The following MATR3 variants were observed in gnomAD, a reference collection of about 807,000 sequenced individuals.
The protein encoded by MATR3 is matrin 3, also known as matrin-3.
In MATR3, 4 loss-of-function variants were observed where a neutral mutation model predicts 85.5. The observed-to-expected ratio is 0.05, with a 90% CI of 0.02 to 0.11. MATR3 has a LOEUF of 0.11. MATR3 is among the 10% of genes least tolerant of loss of function. The pLI is 1.00. For synonymous variants in MATR3, 336 were observed against 343.1 expected (o/e 0.98, Z 0.23); for missense variants, 685 against 1,016.1 (o/e 0.67, Z 4.43).
exon 3 of MATR3, chr5:139,279,066 T>A (rs1039696718): frequency 2.2e-6 from 1 of 464,134 alleles, no homozygotes; most frequent in African/African-American, 2.0e-5. Flanking sequence ...TTCACCTGAA[T>A]GACATCTACC....
Position 139,322,579 on chromosome 5 carries a change from T to G in MATR3, c.1779-19T>G, listed in dbSNP as rs373127952. ...TTTTCAGACAACAAATTAATTGTGG[T>G]GTGTCCTTTTGATTTCAGAAAAAGA... On this transcript the variant is annotated intron_variant, in intron 11 of 14. Transcript: ENST00000394805. 8 of 1,583,084 alleles carry G rather than the reference T, an allele frequency of 5.1e-6. No individual in the cohort carries two copies. In the Admixed American group the frequency reaches 1.4e-4, roughly 27 times the overall value.
intron 14 of MATR3, among the ~76,000 whole-genome samples, chr5:139,328,692 TC>T (rs1755979190): frequency 6.6e-6 from 1 of 152,148 alleles, no homozygotes; most frequent in African/African-American, 2.4e-5. Flanking sequence ...AAATGTTTGT[TC>T]AGGTGATTTA....
intron 1 of MATR3, among the ~76,000 whole-genome samples, chr5:139,297,219 G>A (rs950886663): frequency 2.0e-5 from 3 of 152,174 alleles, no homozygotes; most frequent in Admixed American, 2.0e-4. Context: ...ATTTGGGATG[G>A]ACAGTGCTAA....
intron 1 of MATR3, chr5:139,300,024 C>T (rs938464657): frequency 6.6e-6 from 1 of 152,068 alleles, no homozygotes; most frequent in East Asian, 1.9e-4. Flanking sequence ...AATTTTTCCA[C>T]TTTTACTAGA....
In MATR3 at chr5:139,331,402, A is replaced by G. The variant is rs941484955; in HGVS notation, c.*2007A>G. ...GTTTCCTTTCAGTGATGGCTTTTTC[A>G]TAGCTTCAACTTTGTTGGATTTAGC... On this transcript the variant is annotated 3_prime_UTR_variant, in exon 15 of 15. Coordinates refer to ENST00000394805, the MANE Select transcript of MATR3 (RefSeq NM_018834.6). 2.2e-5 allele frequency: 10 copies of G among 454,132 alleles called. No individual in the cohort carries two copies. Among genetic ancestry groups the G allele is most frequent in the African/African-American group, 1.2e-4 (6 of 50,134 alleles). The allele number at this position is 454,132 out of a possible 1,614,324, so 28.1% of individuals were successfully genotyped here. A position where few individuals can be genotyped will look rare whatever the true frequency, so the allele number is the denominator to read the frequency against.
At chr5:139,323,587 A>G (rs747900055) in intron 12 of MATR3, among the ~76,000 whole-genome samples, 31 of 152,222 alleles carry the variant, frequency 2.0e-4, no homozygotes, top group Non-Finnish European at 4.0e-4. Context: ...CCTTTGAGGC[A>G]AACTTTTTAT....
At chr5:139,286,176 G>T (rs1753696746) in intron 3 of MATR3, among the ~76,000 whole-genome samples, 1 of 152,056 alleles carries the variant, frequency 6.6e-6, no homozygotes, top group Non-Finnish European at 1.5e-5. Flanking sequence ...GCAGCTACTG[G>T]TTAAGTTTTC....
Position 139,319,322 on chromosome 5 carries a change from T to A in MATR3, c.1435-12T>A. 1 of 1,587,876 alleles carries A rather than the reference T, an allele frequency of 6.3e-7. No homozygotes were observed. Among genetic ancestry groups the A allele is most frequent in the Non-Finnish European group, 8.6e-7 (1 of 1,158,232 alleles). On this transcript the variant is annotated splice_polypyrimidine_tract_variant and intron_variant, in intron 8 of 14. Transcript: ENST00000394805. The stretch of plus-strand genomic sequence containing the variant: ...TGCACATTTGTCCTTTTGTTGTTGT[T>A]ATTTATTAAAGAAACCTGAAGGAAA...
chr5:139,302,292 A>G (rs1754486861), intron 1 of MATR3, among the ~76,000 whole-genome samples: 1 of 152,172 alleles, frequency 6.6e-6, no homozygotes, highest in Non-Finnish European at 1.5e-5. Flanking sequence ...CACTCAAGGT[A>G]CATGCCATAC....
intron 1 of MATR3, among the ~76,000 whole-genome samples, chr5:139,302,902 G>C (rs1283784161): frequency 6.6e-6 from 1 of 152,180 alleles, no homozygotes; most frequent in African/African-American, 2.4e-5. Flanking sequence ...AGAAACTGTA[G>C]TTTTCTAGCT....
upstream of MATR3, among the ~76,000 whole-genome samples, chr5:139,289,101 C>T (rs1041476976): frequency 2.0e-5 from 3 of 152,224 alleles, no homozygotes; most frequent in African/African-American, 7.2e-5. Flanking sequence ...AGGGAAGCCC[C>T]AGCCCTTGAT....
At chr5:139,316,456 G>A (rs927937621) in intron 5 of MATR3, among the ~76,000 whole-genome samples, 1 of 152,006 alleles carries the variant, frequency 6.6e-6, no homozygotes, top group Non-Finnish European at 1.5e-5. Flanking sequence ...GCGTTGGCCA[G>A]ACTAGTCTCG....
intron 1 of MATR3, among the ~76,000 whole-genome samples, chr5:139,301,841 G>A (rs1466594929): frequency 6.6e-6 from 1 of 152,084 alleles, no homozygotes; most frequent in East Asian, 1.9e-4. Flanking sequence ...TTTAAACCTA[G>A]GAAGAAGACA....
In MATR3 at chr5:139,331,573, T is replaced by A. The variant is rs762228111; in HGVS notation, c.*2178T>A. On this transcript the variant is annotated 3_prime_UTR_variant, in exon 15 of 15. Transcript: ENST00000394805. ...TTTTTAGTAGGAATGTTTCCACTCA[T>A]GTTTGCTGTAAAGTTTAAGAACATT... is the stretch of plus-strand genomic sequence containing the variant. The A allele has an allele frequency of 4.4e-6, 2 of 454,030 alleles. No homozygotes were observed. The highest frequency in any genetic ancestry group is 2.3e-5 in the Admixed American group (1 of 42,554). 28.1% of individuals were successfully genotyped at this position (454,030 alleles called of 1,614,324 possible).
Position 139,325,450 on chromosome 5 carries a change from T to C in MATR3, c.2159T>C (p.Ile720Thr). Reference sequence around the variant, plus strand: ...TTGGTTGAAATTAAGGTGGACAAGATCGAGGAACTTGATCAAGAAAACGAA... The same window carrying C: ...TTGGTTGAAATTAAGGTGGACAAGACCGAGGAACTTGATCAAGAAAACGAA... The part of the protein sequence containing the change: ...AKKKLKKVDK[I>T]EELDQENEAA... The change falls in exon 13 of 15, where the codon ATC (isoleucine) becomes ACC (threonine). Residue 720 changes from isoleucine (I) to threonine (T), a missense_variant. Ile to Thr is a moderately conservative substitution (Grantham distance 89, BLOSUM62 -1). Transcript: ENST00000394805. 1 of 1,614,032 alleles carries C rather than the reference T, an allele frequency of 6.2e-7. No individual in the cohort carries two copies. Among genetic ancestry groups the C allele is most frequent in the Non-Finnish European group, 8.5e-7 (1 of 1,180,010 alleles).
Position 139,322,873 on chromosome 5 carries a change from G to C in MATR3, c.2054G>C (p.Gly685Ala). 2 of 1,614,154 alleles carry C rather than the reference G, an allele frequency of 1.2e-6. No individual in the cohort carries two copies. The highest frequency in any genetic ancestry group is 1.7e-6 in the Non-Finnish European group (2 of 1,180,010). Residue 685 changes from glycine (G) to alanine (A), a missense_variant, in exon 12 of 15, where the codon GGT (glycine) becomes GCT (alanine). By Grantham distance (60) the Gly-to-Ala change is moderately conservative. Transcript: ENST00000394805. ...VGDETDLANL[G>A]DVASDGKKEP... ...GACGAGACCGATCTTGCTAATTTAG[G>C]TGATGTGGCTTCTGATGGGAAAAAG...
intron 1 of MATR3, chr5:139,294,149 G>A (rs905762148): frequency 1.5e-5 from 15 of 1,023,404 alleles, no homozygotes; most frequent in South Asian, 3.4e-5. Context: ...CGTTGTGGGC[G>A]GGGGCGGGAC....
intron 14 of MATR3, among the ~76,000 whole-genome samples, chr5:139,327,467 G>A (rs1231410423): frequency 6.6e-6 from 1 of 152,098 alleles, no homozygotes; most frequent in Non-Finnish European, 1.5e-5. Flanking sequence ...GTTGCCCAAG[G>A]CTGAAGTGCA....
chr5:139,326,423 T>C (rs1449440000), intron 14 of MATR3, 139 bp downstream of exon 14: 4 of 189,848 alleles, frequency 2.1e-5, no homozygotes, highest in Non-Finnish European at 3.7e-5. Flanking sequence ...TTTTATTTAC[T>C]TTTTTTTTTT....
Sources: gnomAD v4.1 joint callset for allele counts (sites outside exome capture counted in the v4.1 genomes callset) on GRCh38, gnomAD v4.1.1 for gene constraint, MANE v1.5 for transcripts, NCBI Gene and HGNC (gene_info 2026-07-23, HGNC 2026-07-21) for gene names.